Variants in GALNT13 observed in about 807,000 individuals in gnomAD.
GALNT13 encodes polypeptide N-acetylgalactosaminyltransferase 13.
GALNT13 carries 28 observed loss-of-function variants against 64.2 expected under a neutral mutation model. That is an observed-to-expected ratio of 0.44 (90% CI 0.32 to 0.60). GALNT13 has a LOEUF of 0.60. Among genes scored for constraint, GALNT13 ranks in the 20% least tolerant of loss-of-function variants. GALNT13 has a pLI of 0.05. For missense variants in GALNT13, 577 were observed against 669.8 expected, an observed-to-expected ratio of 0.86 and a Z score of 1.53; for synonymous variants, 214 against 224.6, an observed-to-expected ratio of 0.95 and a Z score of 0.42.
chr2:154,146,374 A>T (rs182984897), intron 4 of GALNT13, among the ~76,000 whole-genome samples: 1 of 152,058 alleles, frequency 6.6e-6, no homozygotes, highest in Admixed American at 6.6e-5. Context: ...TTACACTTGA[A>T]CTACCCCTCC....
At chr2:153,134,423 C>A in the GALNT13 span, among the ~76,000 whole-genome samples, 1 of 151,718 alleles carries the variant, frequency 6.6e-6, no homozygotes, top group Non-Finnish European at 1.5e-5. Context: ...TTTCTCCTTG[C>A]ATCCTCTGAA....
intron 10 of GALNT13, among the ~76,000 whole-genome samples, chr2:154,403,453 CT>C (rs1165154262): frequency 8.7e-5 from 13 of 149,880 alleles, no homozygotes; most frequent in African/African-American, 3.2e-4. Context: ...TGGACTCCGT[CT>C]CAAAAAAAAA....
chr2:153,094,741 A>G, the GALNT13 span, among the ~76,000 whole-genome samples: 2 of 152,186 alleles, frequency 1.3e-5, no homozygotes, highest in African/African-American at 2.4e-5. Context: ...ACACACATCT[A>G]TAACCATCTG....
the GALNT13 span, among the ~76,000 whole-genome samples, chr2:153,647,478 C>T: frequency 6.6e-6 from 1 of 152,150 alleles, no homozygotes; most frequent in Non-Finnish European, 1.5e-5. Flanking sequence ...AATTAGATCC[C>T]ATTTGTCAAT....
chr2:153,613,457 A>G, the GALNT13 span, among the ~76,000 whole-genome samples: 1 of 152,162 alleles, frequency 6.6e-6, no homozygotes, highest in Non-Finnish European at 1.5e-5. Context: ...AGTGCTATCT[A>G]TATAACTCAA....
the GALNT13 span, among the ~76,000 whole-genome samples, chr2:153,119,616 T>C: frequency 6.6e-6 from 1 of 152,198 alleles, no homozygotes; most frequent in African/African-American, 2.4e-5. Context: ...GCTGACAGGC[T>C]TTGCACTTGT....
At chr2:153,785,304 C>T in the GALNT13 span, among the ~76,000 whole-genome samples, 1 of 152,122 alleles carries the variant, frequency 6.6e-6, no homozygotes, top group Non-Finnish European at 1.5e-5. Context: ...CTGGGGTCCC[C>T]AACCACCCTG....
chr2:153,864,865 C>A, the GALNT13 span, among the ~76,000 whole-genome samples: 157 of 146,684 alleles, frequency 1.1e-3, no homozygotes, highest in African/African-American at 3.8e-3. Context: ...AATCCTAAGC[C>A]AAAAGAACAA....
intron 3 of GALNT13, among the ~76,000 whole-genome samples, chr2:154,124,904 A>G (rs1682166299): frequency 6.6e-6 from 1 of 152,264 alleles, no homozygotes. Context: ...TAACTACATC[A>G]AAAGGAATAC....
the GALNT13 span, among the ~76,000 whole-genome samples, chr2:153,632,603 C>CT: frequency 4.6e-5 from 7 of 151,972 alleles, no homozygotes; most frequent in Admixed American, 6.6e-5. Context: ...ATAGTTTTAC[C>CT]TTTTTTATAA....
intron 1 of GALNT13, among the ~76,000 whole-genome samples, chr2:153,874,154 A>G (rs1358168021): frequency 7.5e-6 from 1 of 132,760 alleles, no homozygotes; most frequent in Non-Finnish European, 1.5e-5. Context: ...AAGAACCTTC[A>G]TATTGAAACC....
intron 4 of GALNT13, among the ~76,000 whole-genome samples, chr2:154,186,834 C>G (rs189382466): frequency 6.6e-6 from 1 of 151,954 alleles, no homozygotes; most frequent in Non-Finnish European, 1.5e-5. Context: ...AAACTTAAAC[C>G]AAATCATATA....
chr2:153,603,090 T>G, the GALNT13 span, among the ~76,000 whole-genome samples: 2 of 151,904 alleles, frequency 1.3e-5, no homozygotes, highest in Non-Finnish European at 2.9e-5. Flanking sequence ...CAAGGATATA[T>G]AGCTGCTTAC....
rs184963645 is a variant in GALNT13, at chr2:154,437,798, T to A, written c.1396-794T>A. On this transcript the variant is annotated intron_variant, in intron 11 of 12. Transcript: ENST00000392825. The stretch of plus-strand genomic sequence containing the variant: ...TGAATCCGGGAGGCGGAGGTTGCAG[T>A]AAGCCCAGATTACGCCAGTGCACTC... 3.8e-4 allele frequency: 131 copies of A among 343,644 alleles called. 1 individual carries two copies. Among genetic ancestry groups the A allele is most frequent in the East Asian group, 1.2e-3 (13 of 10,492 alleles). 21.3% of individuals were successfully genotyped at this position (343,644 alleles called of 1,614,324 possible).
intron 3 of GALNT13, among the ~76,000 whole-genome samples, chr2:154,024,966 C>T (rs1697836585): frequency 6.6e-6 from 1 of 152,166 alleles, no homozygotes; most frequent in African/African-American, 2.4e-5. Context: ...CACTCCAGAC[C>T]CTGATTGCCT....
the GALNT13 span, among the ~76,000 whole-genome samples, chr2:153,490,298 T>C: frequency 1.1e-3 from 173 of 152,194 alleles, 1 homozygote; most frequent in Non-Finnish European, 2.1e-3. Flanking sequence ...ATAGACAATA[T>C]TTTTTAAAAA....
chr2:153,741,210 A>T, the GALNT13 span, among the ~76,000 whole-genome samples: 1 of 151,954 alleles, frequency 6.6e-6, no homozygotes, highest in African/African-American at 2.4e-5. Flanking sequence ...GAACTATTTC[A>T]ATCTATTTAT....
intron 9 of GALNT13, among the ~76,000 whole-genome samples, chr2:154,329,880 A>G (rs532489377): frequency 1.4e-4 from 22 of 151,992 alleles, no homozygotes; most frequent in Non-Finnish European, 2.4e-4. Flanking sequence ...ACCTTCTGCC[A>G]TGGTTGAAAA....
At position 153,993,365 on chromosome 2, in the gene GALNT13, G is replaced by C. The variant is rs146817620; in HGVS notation, c.142+48726G>C. On this transcript the variant is annotated intron_variant, in intron 3 of 12. Coordinates refer to ENST00000392825, the MANE Select transcript of GALNT13 (RefSeq NM_052917.4). ...AGAATAATATACTGAATTAAAAAAT[G>C]ATTTCTTCCAACATTCATAGTAGAA... 3.1e-4 allele frequency among the ~76,000 whole-genome samples: 47 copies of C among 152,096 alleles called. No individual in the cohort carries two copies. In the East Asian group the frequency reaches 8.9e-3, roughly 29 times the overall value.
Sources: allele counts gnomAD v4.1 joint callset (sites outside exome capture counted in the v4.1 genomes callset), GRCh38; gene constraint gnomAD v4.1.1; transcripts MANE v1.5; gene names NCBI Gene and HGNC (gene_info 2026-07-23, HGNC 2026-07-21).